UQCC2: variants seen among roughly 807,000 people sequenced by gnomAD.
UQCC2 encodes the protein breast cancer-associated protein SGA-81M.
A neutral mutation model predicts 19.9 loss-of-function variants in UQCC2; 21 were observed. The ratio of observed to expected loss-of-function variants is 1.05; its 90% CI spans 0.75 to 1.52. The LOEUF is 1.52. Among genes scored for constraint, UQCC2 ranks in the 40% most tolerant of loss-of-function variants. The probability of loss-of-function intolerance (pLI) is 0.00; values close to 1 mark genes in which losing one functional copy is unlikely to be tolerated. For missense variants in UQCC2, 135 were observed against 157.5 expected, an observed-to-expected ratio of 0.86 and a Z score of 0.76; for synonymous variants, 57 against 60.9, an observed-to-expected ratio of 0.94 and a Z score of 0.30.
At chr6:33,706,463 G>A (rs1765699547) in intron 1 of UQCC2, among the ~76,000 whole-genome samples, 1 of 152,220 alleles carries the variant, frequency 6.6e-6, no homozygotes, top group African/African-American at 2.4e-5. Context: ...ACATGAATTA[G>A]AAACCAACCC....
rs184962431 is a variant in UQCC2 at position 33,711,401 on chromosome 6, C to T, written c.138+148G>A. ...ATACAACGGGCGTCGCTATCAGTAGCTCCCTGGGGGAAAAAGGGGGTCCGC... is the reference window on the plus strand; with the variant it reads ...ATACAACGGGCGTCGCTATCAGTAGTTCCCTGGGGGAAAAAGGGGGTCCGC... On this transcript the variant is annotated intron_variant, in intron 1 of 3. Transcript: ENST00000607484. The T allele has an allele frequency of 2.6e-4, 311 of 1,188,840 alleles. 1 individual carries two copies. The African/African-American group carries it at 3.8e-3, about 14-fold the overall frequency. The allele number at this position is 1,188,840 out of a possible 1,614,324, so 73.6% of individuals were successfully genotyped here.
chr6:33,706,480 G>C (rs1765699848), intron 1 of UQCC2, among the ~76,000 whole-genome samples: 1 of 152,212 alleles, frequency 6.6e-6, no homozygotes, highest in South Asian at 2.1e-4. Context: ...ACCCTGCCCG[G>C]GGCAATGTGT....
At chr6:33,698,439 A>G (rs1765596974) in intron 3 of UQCC2, 1 of 150,682 alleles carries the variant, frequency 6.6e-6, no homozygotes, top group South Asian at 2.2e-4. Context: ...AAAAGTAAGA[A>G]AAAAAAAACC....
chr6:33,699,922 G>C (rs1175436923), intron 3 of UQCC2, among the ~76,000 whole-genome samples: 4 of 152,206 alleles, frequency 2.6e-5, no homozygotes, highest in African/African-American at 9.7e-5. Flanking sequence ...AGGGAAGTAA[G>C]GAAAGGACGG....
chr6:33,697,198 G>A lies in UQCC2; in HGVS notation c.*455C>T, dbSNP rs189096625. Reference sequence around the variant, plus strand: ...GCCAAGCAGGCTTTTTGCCTCTCTCGGCCTCACACCTCCCTACTGCTTTCT... The same window carrying A: ...GCCAAGCAGGCTTTTTGCCTCTCTCAGCCTCACACCTCCCTACTGCTTTCT... On this transcript the variant is annotated 3_prime_UTR_variant, in exon 4 of 4. Coordinates refer to ENST00000607484, the MANE Select transcript of UQCC2 (RefSeq NM_032340.4). 124 of 155,664 alleles carry A rather than the reference G, an allele frequency of 8.0e-4. No individual in the cohort carries two copies. Among genetic ancestry groups the A allele is most frequent in the Admixed American group, 1.8e-3 (28 of 15,890 alleles). The allele number at this position is 155,664 out of a possible 1,614,324, so 9.6% of individuals were successfully genotyped here. A position where few individuals can be genotyped will look rare whatever the true frequency, so the allele number is the denominator to read the frequency against.
chr6:33,703,633 T>TA lies in UQCC2; in HGVS notation c.139-2214dup, dbSNP rs11317245. 3.2e-3 allele frequency among the ~76,000 whole-genome samples: 473 copies of TA among 149,020 alleles called. 1 individual carries two copies. Among genetic ancestry groups the TA allele is most frequent in the Middle Eastern group, 6.9e-3 (2 of 290 alleles). On this transcript the variant is annotated intron_variant, in intron 1 of 3. Coordinates refer to ENST00000607484, the MANE Select transcript of UQCC2 (RefSeq NM_032340.4). ...CTCACTCTTCCCCATGAAATACACT[T>TA]AAAAAAAAAAAAAGTTGCCACAGTT...
intron 1 of UQCC2, among the ~76,000 whole-genome samples, chr6:33,709,738 C>T (rs1765743618): frequency 6.6e-6 from 1 of 151,838 alleles, no homozygotes; most frequent in Non-Finnish European, 1.5e-5. Flanking sequence ...TTTAGGTGGG[C>T]TGGCTTGGCT....
In UQCC2 at chr6:33,711,587, G is replaced by A. The variant is rs1420706816; in HGVS notation, c.100C>T (p.Arg34Trp). The change falls in exon 1 of 4, where the codon CGG becomes TGG. Residue 34 changes from arginine (R) to tryptophan (W), a missense_variant. Arg to Trp is a moderately radical substitution (Grantham distance 101). Transcript: ENST00000607484. ...GRDLGAYLRQ[R>W]VAQAFREGEN... Reference sequence around the variant, plus strand: ...CCCTCCCGAAAGGCCTGTGCTACCCGCTGTCGCAGGTAAGCGCCCAAGTCC... The same window carrying A: ...CCCTCCCGAAAGGCCTGTGCTACCCACTGTCGCAGGTAAGCGCCCAAGTCC... 2 of 1,613,738 alleles carry A rather than the reference G, an allele frequency of 1.2e-6. No homozygotes were observed. The highest frequency in any genetic ancestry group is 1.3e-5 in the African/African-American group (1 of 75,024).
At position 33,697,423 on chromosome 6, in the gene UQCC2, T is replaced by G; in HGVS notation, c.*230A>C. ...CATCAGGCCCAGAGGGAAACCTGCA[T>G]TTCCTCTCCCCAGGAGATTTCCCTA... On this transcript the variant is annotated 3_prime_UTR_variant, in exon 4 of 4. Transcript: ENST00000607484. 2.2e-6 allele frequency: 1 copy of G among 456,622 alleles called. No individual in the cohort carries two copies. The highest frequency in any genetic ancestry group is 3.9e-5 in the Admixed American group (1 of 25,642). 28.3% of individuals were successfully genotyped at this position (456,622 alleles called of 1,614,324 possible). A position where few individuals can be genotyped will look rare whatever the true frequency, so the allele number is the denominator to read the frequency against.
At position 33,700,473 on chromosome 6, in the gene UQCC2, AACG is replaced by A. The variant is rs1408870666; in HGVS notation, c.251_253del (p.Ser84del). 1 of 1,614,218 alleles carries A rather than the reference AACG, an allele frequency of 6.2e-7. No individual in the cohort carries two copies. The highest frequency in any genetic ancestry group is 8.5e-7 in the Non-Finnish European group (1 of 1,180,030). Reference sequence around the variant, plus strand: ...GGACAGGATCAGCTTGTACTCTTCCAACGACAGGCCACTGAAGCTGGTGTCTCT... The same window carrying A: ...GGACAGGATCAGCTTGTACTCTTCCAACAGGCCACTGAAGCTGGTGTCTCT... On this transcript the variant is annotated inframe_deletion, in exon 3 of 4. Transcript: ENST00000607484.
chr6:33,707,091 T>C (rs1329989396), intron 1 of UQCC2, among the ~76,000 whole-genome samples: 2 of 152,304 alleles, frequency 1.3e-5, no homozygotes, highest in East Asian at 3.9e-4. Context: ...TCCCTTCAGG[T>C]GGAGCACTGC....
chr6:33,700,121 CTT>C (rs1765622175), intron 3 of UQCC2, among the ~76,000 whole-genome samples: 1 of 152,212 alleles, frequency 6.6e-6, no homozygotes, highest in Admixed American at 6.5e-5. Context: ...ATAAAGCCCT[CTT>C]AAGACCATAA....
At chr6:33,705,003 A>T (rs1348797686) in intron 1 of UQCC2, among the ~76,000 whole-genome samples, 1 of 151,658 alleles carries the variant, frequency 6.6e-6, no homozygotes, top group Non-Finnish European at 1.5e-5. Flanking sequence ...TAAGTGCAAA[A>T]AGCAAAGTGA....
rs544104803 is a variant in UQCC2, at chr6:33,705,033, C to CTT, written c.139-3615_139-3614dup. 6.6e-4 allele frequency among the ~76,000 whole-genome samples: 87 copies of CTT among 131,286 alleles called. 2 individuals carry two copies. The South Asian group carries it at 0.013, about 19-fold the overall frequency. 86.1% of individuals were successfully genotyped at this position (131,286 alleles called of 152,430 possible). A position where few individuals can be genotyped will look rare whatever the true frequency, so the allele number is the denominator to read the frequency against. ...AAGTGACCCTCAGGTACTCTCACTTCTTTTTTTTTTTTTTTTTAGATGGAG... is the reference window on the plus strand; with the variant it reads ...AAGTGACCCTCAGGTACTCTCACTTCTTTTTTTTTTTTTTTTTTTAGATGGAG... On this transcript the variant is annotated intron_variant, in intron 1 of 3. Transcript: ENST00000607484.
chr6:33,700,050 C>T (rs904904745), intron 3 of UQCC2, among the ~76,000 whole-genome samples: 3 of 152,130 alleles, frequency 2.0e-5, no homozygotes, highest in Non-Finnish European at 2.9e-5. Flanking sequence ...AACTCTTAGG[C>T]GGATATCCCC....
At position 33,697,594 on chromosome 6, in the gene UQCC2, T is replaced by C. The variant is rs1765578953; in HGVS notation, c.*59A>G. On this transcript the variant is annotated 3_prime_UTR_variant, in exon 4 of 4. Coordinates refer to ENST00000607484, the MANE Select transcript of UQCC2 (RefSeq NM_032340.4). ...CAAGGGGAAACTGGGGCAGTTTTAT[T>C]GACGATGGCAATGTACAAGACTCCA... 7.4e-7 allele frequency: 1 copy of C among 1,345,258 alleles called. No individual in the cohort carries two copies. Among genetic ancestry groups the C allele is most frequent in the Non-Finnish European group, 1.0e-6 (1 of 971,436 alleles). The allele number at this position is 1,345,258 out of a possible 1,614,324, so 83.3% of individuals were successfully genotyped here.
intron 1 of UQCC2, among the ~76,000 whole-genome samples, chr6:33,702,163 C>T (rs1435793368): frequency 6.6e-6 from 1 of 152,136 alleles, no homozygotes; most frequent in Non-Finnish European, 1.5e-5. Context: ...TGTGCCACCA[C>T]ACCCAGCTAA....
intron 2 of UQCC2, 99 bp from the exon 3 acceptor site, chr6:33,700,612 G>T: frequency 7.9e-7 from 1 of 1,273,614 alleles, no homozygotes; most frequent in African/African-American, 1.5e-5. Context: ...GCAACCAGAG[G>T]CCAGGAGGCC....
intron 2 of UQCC2, among the ~76,000 whole-genome samples, chr6:33,700,841 A>C (rs597386): frequency 0.19 from 28,752 of 152,182 alleles, 2,888 homozygotes; most frequent in African/African-American, 0.21. Flanking sequence ...ATTTAGAAAA[A>C]ATCAATTTTC....
Sources: allele counts gnomAD v4.1 joint callset (sites outside exome capture counted in the v4.1 genomes callset), GRCh38; gene constraint gnomAD v4.1.1; transcripts MANE v1.5; gene names NCBI Gene and HGNC (gene_info 2026-07-23, HGNC 2026-07-21).